VIPR2: variants seen among roughly 807,000 people sequenced by gnomAD.
The protein encoded by VIPR2 is vasoactive intestinal peptide receptor 2.
VIPR2 carries 48 observed loss-of-function variants against 58.0 expected under a neutral mutation model. The observed-to-expected ratio is 0.83, with a 90% CI of 0.66 to 1.05. VIPR2 has a LOEUF of 1.05. VIPR2 is among the 50% of genes least tolerant of loss of function. VIPR2 has a pLI of 0.00. For missense variants in VIPR2, 534 were observed against 558.0 expected, an observed-to-expected ratio of 0.96 and a Z score of 0.43; for synonymous variants, 243 against 235.2, an observed-to-expected ratio of 1.03 and a Z score of -0.30.
At chr7:159,049,173 C>T (rs1334205471) in intron 5 of VIPR2, among the ~76,000 whole-genome samples, 1 of 152,196 alleles carries the variant, frequency 6.6e-6, no homozygotes, top group African/African-American at 2.4e-5. Flanking sequence ...CTTTATGTGA[C>T]ATCTTGCTTT....
At chr7:159,126,853 G>A (rs1796668930) in intron 2 of VIPR2, among the ~76,000 whole-genome samples, 1 of 152,216 alleles carries the variant, frequency 6.6e-6, no homozygotes, top group Non-Finnish European at 1.5e-5. Context: ...AGCATCTCCT[G>A]CACTGCCACG....
At chr7:159,068,684 G>C (rs1449473741) in intron 4 of VIPR2, among the ~76,000 whole-genome samples, 1 of 152,238 alleles carries the variant, frequency 6.6e-6, no homozygotes, top group Non-Finnish European at 1.5e-5. Context: ...GGCGCTTCTG[G>C]ACGGCGGGTG....
intron 3 of VIPR2, 112 bp downstream of exon 3, chr7:159,109,700 G>T: frequency 3.1e-6 from 3 of 980,288 alleles, no homozygotes; most frequent in South Asian, 2.9e-5. Context: ...GACCCCCAGG[G>T]TAGCAGGAGA....
chr7:159,132,703 G>A (rs1289800695), intron 2 of VIPR2, among the ~76,000 whole-genome samples: 1 of 152,164 alleles, frequency 6.6e-6, no homozygotes, highest in African/African-American at 2.4e-5. Flanking sequence ...GCTCATTCAA[G>A]AACAAGGAAT....
intron 10 of VIPR2, among the ~76,000 whole-genome samples, chr7:159,033,401 A>G (rs1246163539): frequency 6.6e-6 from 1 of 152,206 alleles, no homozygotes; most frequent in Admixed American, 6.5e-5. Context: ...GGTCAGTCTG[A>G]GCCCGAGGCA....
intron 2 of VIPR2, among the ~76,000 whole-genome samples, chr7:159,130,708 G>A (rs923228474): frequency 1.3e-5 from 2 of 152,190 alleles, no homozygotes; most frequent in African/African-American, 4.8e-5. Flanking sequence ...GGCGTGGCCG[G>A]CATCACGTCA....
chr7:159,141,200 C>T (rs1258121508), intron 2 of VIPR2, among the ~76,000 whole-genome samples: 1 of 152,244 alleles, frequency 6.6e-6, no homozygotes. Context: ...TGGGCCGCAT[C>T]AGCATTTCCC....
intron 2 of VIPR2, among the ~76,000 whole-genome samples, chr7:159,134,811 C>G (rs428298): frequency 0.12 from 18,057 of 151,754 alleles, 1,293 homozygotes; most frequent in Middle Eastern, 0.17. Context: ...GCGCCCGCCA[C>G]CACGCCCGGC....
At chr7:159,062,714 A>T (rs1473015298) in intron 4 of VIPR2, among the ~76,000 whole-genome samples, 1 of 152,116 alleles carries the variant, frequency 6.6e-6, no homozygotes, top group Non-Finnish European at 1.5e-5. Context: ...GCAAAAGAAC[A>T]CGACTGCCAC....
intron 2 of VIPR2, among the ~76,000 whole-genome samples, chr7:159,138,146 G>A (rs543657128): frequency 3.3e-5 from 5 of 152,374 alleles, no homozygotes; most frequent in African/African-American, 9.6e-5. Flanking sequence ...GCTGAGCCGA[G>A]ACCACAGAGC....
Position 159,103,760 on chromosome 7 carries a change from G to A in VIPR2, c.354C>T (p.Ser118=). The A allele has an allele frequency of 1.2e-6, 2 of 1,613,794 alleles. No individual in the cohort carries two copies. Among genetic ancestry groups the A allele is most frequent in the South Asian group, 2.2e-5 (2 of 91,066 alleles). Residue 118 remains serine, a synonymous_variant, in exon 4 of 13, where the codon AGC becomes AGT. Transcript: ENST00000262178. The stretch of plus-strand genomic sequence containing the variant: ...GTAGCACCACGCAGGAGCCTACCTT[G>A]CTCTCATCCTCCGGGTCGCTGTAGC... The part of the protein sequence containing the change: ...ACGYSDPEDE[S]KITFYILVKA...
intron 4 of VIPR2, among the ~76,000 whole-genome samples, chr7:159,085,661 G>A (rs1286920703): frequency 2.6e-5 from 4 of 152,094 alleles, no homozygotes; most frequent in Admixed American, 6.5e-5. Context: ...CCATGACACC[G>A]TCTCACTGGA....
chr7:159,074,087 A>C (rs1399396693), intron 4 of VIPR2, among the ~76,000 whole-genome samples: 1 of 152,240 alleles, frequency 6.6e-6, no homozygotes, highest in East Asian at 1.9e-4. Context: ...ATTAGAAAAG[A>C]AAAAAACAAA....
rs951021957 is a variant in VIPR2 at position 159,127,517 on chromosome 7, T to C, written c.151+14929A>G. On this transcript the variant is annotated intron_variant, in intron 2 of 12. Transcript: ENST00000262178. The surrounding 1 kb of genome is among the most constrained non-coding windows in gnomAD (Gnocchi z 4.6). Reference sequence around the variant, plus strand: ...CCAAAACAACCCAAACATCCAAGTATGCTCCAAATTGAGCCTGAGTCAGTC... The same window carrying C: ...CCAAAACAACCCAAACATCCAAGTACGCTCCAAATTGAGCCTGAGTCAGTC... Among the ~76,000 whole-genome samples, 9 of 152,204 alleles carry C rather than the reference T, an allele frequency of 5.9e-5. No individual in the cohort carries two copies. The highest frequency in any genetic ancestry group is 5.2e-4 in the Admixed American group (8 of 15,284).
At chr7:159,066,212 T>C (rs989124855) in intron 4 of VIPR2, among the ~76,000 whole-genome samples, 3 of 151,916 alleles carry the variant, frequency 2.0e-5, no homozygotes, top group African/African-American at 7.3e-5. Flanking sequence ...GTCCATGGGA[T>C]TGCAGGATGC....
At chr7:159,118,006 C>T (rs967781394) in intron 2 of VIPR2, among the ~76,000 whole-genome samples, 3 of 152,224 alleles carry the variant, frequency 2.0e-5, no homozygotes, top group Non-Finnish European at 4.4e-5. Flanking sequence ...AACAACAAAG[C>T]TTCCTCCAGA....
rs373947845 is a variant in VIPR2, at chr7:159,118,069, C to T, written c.152-8150G>A. 2.5e-4 allele frequency among the ~76,000 whole-genome samples: 38 copies of T among 152,316 alleles called. No individual in the cohort carries two copies. The East Asian group carries it at 5.8e-3, about 23-fold the overall frequency. ...GGTTCTCACGGGGAGCTCAGAGAGG[C>T]CGGGGGCGTCCCAGTCATCGAATAC... On this transcript the variant is annotated intron_variant, in intron 2 of 12. Transcript: ENST00000262178.
chr7:159,138,485 T>A (rs1797318271), intron 2 of VIPR2, among the ~76,000 whole-genome samples: 1 of 152,180 alleles, frequency 6.6e-6, no homozygotes, highest in South Asian at 2.1e-4. Context: ...TAGAACATTG[T>A]TTGTAGTAGC....
chr7:159,069,983 C>A (rs1160619421), intron 4 of VIPR2, among the ~76,000 whole-genome samples: 1 of 152,056 alleles, frequency 6.6e-6, no homozygotes, highest in Non-Finnish European at 1.5e-5. Flanking sequence ...TTGGAGTTTA[C>A]CCATGGGAAT....
Sources: allele counts gnomAD v4.1 joint callset (sites outside exome capture counted in the v4.1 genomes callset), GRCh38; gene constraint gnomAD v4.1.1; non-coding constraint Gnocchi (gnomAD v3.1); transcripts MANE v1.5; gene names NCBI Gene and HGNC (gene_info 2026-07-23, HGNC 2026-07-21).